The following MPHOSPH9 variants were observed in gnomAD, a reference collection of about 807,000 sequenced individuals.
The protein encoded by MPHOSPH9 is M-phase phosphoprotein 9.
A neutral mutation model predicts 145.5 loss-of-function variants in MPHOSPH9; 88 were observed. The ratio of observed to expected loss-of-function variants is 0.60; its 90% CI spans 0.51 to 0.72. MPHOSPH9 has a LOEUF of 0.72. Ranked by LOEUF, MPHOSPH9 falls within the 30% of genes least tolerant of loss-of-function variation. The pLI, the probability that MPHOSPH9 is intolerant of heterozygous loss-of-function variation, is 0.00. For missense variants in MPHOSPH9, 1,238 were observed against 1,386.6 expected (o/e 0.89, Z 1.70); for synonymous variants, 435 against 486.2 (o/e 0.89, Z 1.39).
intron 10 of MPHOSPH9, 99 bp downstream of exon 10, chr12:123,202,525 C>T (rs1336397047): frequency 5.4e-6 from 7 of 1,306,932 alleles, no homozygotes; most frequent in South Asian, 1.5e-5. Context: ...TGCTAAATCT[C>T]TAAGACTTTA....
chr12:123,192,099 C>A (rs1362761368), intron 13 of MPHOSPH9, among the ~76,000 whole-genome samples: 1 of 152,144 alleles, frequency 6.6e-6, no homozygotes. Context: ...ACAGTACATG[C>A]TTCTTTCAGG....
At chr12:123,153,826 T>G (rs1211667383), downstream of MPHOSPH9, among the ~76,000 whole-genome samples, 1 of 150,894 alleles carries the variant, frequency 6.6e-6, no homozygotes, top group Non-Finnish European at 1.5e-5. Flanking sequence ...TCAATGAATC[T>G]GAAATATAAT....
At chr12:123,165,015 C>CAAAAAA (rs35219995) in intron 18 of MPHOSPH9, among the ~76,000 whole-genome samples, 3 of 83,220 alleles carry the variant, frequency 3.6e-5, no homozygotes, top group African/African-American at 4.9e-5. Flanking sequence ...CTCACTGTCT[C>CAAAAAA]AAAAAAAAAA....
intron 12 of MPHOSPH9, among the ~76,000 whole-genome samples, chr12:123,196,897 C>A (rs1490958012): frequency 6.6e-6 from 1 of 151,884 alleles, no homozygotes; most frequent in Non-Finnish European, 1.5e-5. Context: ...AAGCCAGACA[C>A]GAAAGGCCAC....
chr12:123,194,244 G>T, intron 13 of MPHOSPH9, 142 bp downstream of exon 13: 1 of 589,644 alleles, frequency 1.7e-6, no homozygotes, highest in Non-Finnish European at 2.8e-6. Flanking sequence ...ACTCCAGCCT[G>T]GGTGTCAGAG....
At chr12:123,223,223 T>C in intron 3 of MPHOSPH9, 96 bp from the exon 4 acceptor site, 1 of 706,986 alleles carries the variant, frequency 1.4e-6, no homozygotes, top group Non-Finnish European at 2.0e-6. Context: ...TTTTAGGTCA[T>C]GATCCATCCC....
At chr12:123,182,711 A>G (rs963726719) in intron 13 of MPHOSPH9, among the ~76,000 whole-genome samples, 1 of 151,210 alleles carries the variant, frequency 6.6e-6, no homozygotes, top group Non-Finnish European at 1.5e-5. Flanking sequence ...CAGGAGTTCG[A>G]GACCAGCCTG....
chr12:123,189,717 G>A (rs1230106196), intron 13 of MPHOSPH9, among the ~76,000 whole-genome samples: 2 of 151,966 alleles, frequency 1.3e-5, no homozygotes, highest in African/African-American at 2.4e-5. Flanking sequence ...GGCGGATCAC[G>A]AGGTCAGGAG....
At chr12:123,175,977 C>A (rs192885447) in intron 16 of MPHOSPH9, among the ~76,000 whole-genome samples, 1 of 152,120 alleles carries the variant, frequency 6.6e-6, no homozygotes, top group Non-Finnish European at 1.5e-5. Flanking sequence ...TAGCGATCCT[C>A]CCACCTTGGC....
chr12:123,163,348 T>A (rs1482198916), intron 19 of MPHOSPH9: 1 of 458,138 alleles, frequency 2.2e-6, no homozygotes, highest in Non-Finnish European at 3.7e-6. Context: ...AGACAGTACT[T>A]TCAGCACTCT....
At chr12:123,226,993 A>G (rs1361291839) in intron 3 of MPHOSPH9, among the ~76,000 whole-genome samples, 3 of 152,178 alleles carry the variant, frequency 2.0e-5, no homozygotes, top group African/African-American at 7.2e-5. Flanking sequence ...CTATGAACCA[A>G]AGAAAGAACC....
chr12:123,204,174 T>C (rs1231435637), intron 8 of MPHOSPH9, among the ~76,000 whole-genome samples: 7 of 151,958 alleles, frequency 4.6e-5, no homozygotes, highest in Admixed American at 2.0e-4. Flanking sequence ...TGGTGGCGCA[T>C]GCCTGTAATC....
intron 1 of MPHOSPH9, among the ~76,000 whole-genome samples, chr12:123,239,216 C>T (rs1371729075): frequency 6.6e-6 from 1 of 152,182 alleles, no homozygotes. Flanking sequence ...TTGCAGTGAG[C>T]TGAGATGGCG....
Position 123,163,061 on chromosome 12 carries a change from G to T in MPHOSPH9, c.2982C>A (p.Ser994=). ...TGCTAAGCAGATGACTAAATCCTGG[G>T]GACAAGTTTTCTTTAGGGGATCGCT... is the stretch of plus-strand genomic sequence containing the variant. ...SPKRSPKENL[S]PGFSHLLSKN... The change falls in exon 20 of 24, where the codon TCC becomes TCA. Residue 994 remains serine (S), a synonymous_variant. Transcript: ENST00000606320. The T allele has an allele frequency of 3.1e-6, 5 of 1,596,330 alleles. No individual in the cohort carries two copies. Among genetic ancestry groups the T allele is most frequent in the Non-Finnish European group, 4.3e-6 (5 of 1,174,738 alleles).
intron 11 of MPHOSPH9, among the ~76,000 whole-genome samples, chr12:123,201,675 G>C (rs190010101): frequency 3.5e-4 from 54 of 152,216 alleles, no homozygotes; most frequent in African/African-American, 1.3e-3. Flanking sequence ...CACCATGCCT[G>C]ATCAAGTCCC....
At chr12:123,182,250 T>TTG (rs2045207721) in intron 13 of MPHOSPH9, among the ~76,000 whole-genome samples, 1 of 44,890 alleles carries the variant, frequency 2.2e-5, no homozygotes, top group Admixed American at 3.0e-4. Context: ...TTTTTTTGTG[T>TTG]TTTTTTTTTT....
chr12:123,156,695 T>C lies in MPHOSPH9; in HGVS notation c.*112A>G. The C allele has an allele frequency of 3.1e-6, 2 of 649,456 alleles. No individual in the cohort carries two copies. The highest frequency in any genetic ancestry group is 2.5e-6 in the Non-Finnish European group (1 of 405,658). 40.2% of individuals were successfully genotyped at this position (649,456 alleles called of 1,614,324 possible). A position where few individuals can be genotyped will look rare whatever the true frequency, so the allele number is the denominator to read the frequency against. The stretch of plus-strand genomic sequence containing the variant: ...AGCAAGTGTAAGAATAGCATGATTG[T>C]AAAACTACTGTTTGAAGGCTTATAA... On this transcript the variant is annotated 3_prime_UTR_variant, in exon 24 of 24. Coordinates refer to ENST00000606320, the MANE Select transcript of MPHOSPH9 (RefSeq NM_022782.4).
Position 123,214,752 on chromosome 12 carries a change from G to T in MPHOSPH9, c.1079C>A (p.Ser360Ter). 6.2e-7 allele frequency: 1 copy of T among 1,609,876 alleles called. No homozygotes were observed. The highest frequency in any genetic ancestry group is 1.1e-5 in the South Asian group (1 of 90,934). The change falls in exon 7 of 24, where the codon TCA (serine) becomes TAA (stop). Residue 360 changes from serine (S) to a stop codon, truncating the protein, a stop_gained. Coordinates refer to ENST00000606320, the MANE Select transcript of MPHOSPH9 (RefSeq NM_022782.4). LOFTEE classifies it high-confidence loss of function. ...DETPNAWMSD[S>*]GTGLTYWKLE... ...AAATGTAAGTATCATACCTGTTCCT[G>T]AATCAGACATCCAAGCATTTGGAGT...
intron 16 of MPHOSPH9, among the ~76,000 whole-genome samples, chr12:123,174,338 T>A (rs1565909441): frequency 6.6e-6 from 1 of 151,244 alleles, no homozygotes; most frequent in Non-Finnish European, 1.5e-5. Context: ...ACATCCATTC[T>A]ACAACTTTAC....
Sources: gnomAD v4.1 joint callset for allele counts (sites outside exome capture counted in the v4.1 genomes callset) on GRCh38, gnomAD v4.1.1 for gene constraint, MANE v1.5 for transcripts, NCBI Gene and HGNC (gene_info 2026-07-23, HGNC 2026-07-21) for gene names.